Variants in DMD observed in about 807,000 individuals in gnomAD.
DMD encodes mutant dystrophin.
A neutral mutation model predicts 330.1 loss-of-function variants in DMD; 63 were observed. The ratio of observed to expected loss-of-function variants is 0.19; its 90% CI spans 0.16 to 0.24. DMD has a LOEUF of 0.24. DMD is among the 10% of genes least tolerant of loss of function. DMD has a pLI of 1.00. For synonymous variants in DMD, 1,223 were observed against 959.8 expected, an observed-to-expected ratio of 1.27 and a Z score of -5.07; for missense variants, 3,344 against 2,684.1, an observed-to-expected ratio of 1.25 and a Z score of -5.43.
chrX:31,126,015 T>C (rs765851546), intron 78 of DMD, among the ~76,000 whole-genome samples: 1 of 111,590 alleles, frequency 9.0e-6, no homozygotes, highest in East Asian at 2.8e-4. Context: ...TACTCTCTCA[T>C]TGACTCAGTC....
At chrX:33,023,883 C>T (rs190274306) in intron 1 of DMD, among the ~76,000 whole-genome samples, 30 of 111,507 alleles carry the variant, frequency 2.7e-4, no homozygotes, top group Middle Eastern at 4.7e-3. Flanking sequence ...TCCAAGTTAA[C>T]GATCAAAATT....
chrX:32,765,660 C>T (rs1178811784), intron 7 of DMD, among the ~76,000 whole-genome samples: 1 of 110,881 alleles, frequency 9.0e-6, no homozygotes, highest in Non-Finnish European at 1.9e-5. Context: ...CCGTAAGTTG[C>T]CTTTTCACTC....
At chrX:32,590,483 G>T (rs904387467) in intron 13 of DMD, among the ~76,000 whole-genome samples, 1 of 111,603 alleles carries the variant, frequency 9.0e-6, no homozygotes, top group Admixed American at 9.4e-5. Flanking sequence ...TGGACCAGTG[G>T]ACTGGGAGAG....
chrX:31,447,683 C>T (rs1009440441), intron 59 of DMD, among the ~76,000 whole-genome samples: 3 of 110,921 alleles, frequency 2.7e-5, no homozygotes, highest in Non-Finnish European at 5.7e-5. Flanking sequence ...TAGTTGTGAA[C>T]AAGACAACTG....
chrX:31,970,409 A>C (rs185599863), intron 44 of DMD, among the ~76,000 whole-genome samples: 2 of 110,990 alleles, frequency 1.8e-5, no homozygotes, highest in East Asian at 5.7e-4. Flanking sequence ...GCAGTACATA[A>C]TCTAGTTGAA....
At chrX:32,983,528 T>TACACACACACACAC (rs561986393) in intron 2 of DMD, among the ~76,000 whole-genome samples, 2 of 73,576 alleles carry the variant, frequency 2.7e-5, no homozygotes, top group Non-Finnish European at 5.1e-5. Context: ...CAGAACTAAA[T>TACACACACACACAC]ACACACACAC....
At chrX:31,320,488 T>C (rs984060395) in intron 62 of DMD, among the ~76,000 whole-genome samples, 5 of 111,941 alleles carry the variant, frequency 4.5e-5, no homozygotes, top group African/African-American at 6.5e-5. Flanking sequence ...ACAAACAAGA[T>C]AAAAAAGAGG....
At chrX:31,182,640 C>A in intron 68 of DMD, 98 bp downstream of exon 68, 3 of 855,513 alleles carry the variant, frequency 3.5e-6, no homozygotes, top group Non-Finnish European at 5.2e-6. Flanking sequence ...GGAGACGGTA[C>A]GAACTAACAG....
intron 2 of DMD, among the ~76,000 whole-genome samples, chrX:32,910,817 G>GTA (rs894935477): frequency 8.9e-6 from 1 of 111,942 alleles, no homozygotes; most frequent in African/African-American, 3.3e-5. Context: ...ACACTTATTA[G>GTA]TAAAAGGAAA....
At chrX:32,244,364 T>G (rs2097222373) in intron 43 of DMD, among the ~76,000 whole-genome samples, 1 of 90,714 alleles carries the variant, frequency 1.1e-5, no homozygotes, top group African/African-American at 4.1e-5. Flanking sequence ...CTATCATTGT[T>G]GGACATTTGG....
chrX:31,297,460 T>A (rs925127085), intron 62 of DMD, among the ~76,000 whole-genome samples: 2 of 111,785 alleles, frequency 1.8e-5, no homozygotes, highest in Non-Finnish European at 3.8e-5. Context: ...AAGAAAGATA[T>A]AATGTTTAAG....
At chrX:32,544,312 T>G (rs1223366828) in intron 17 of DMD, among the ~76,000 whole-genome samples, 1 of 112,180 alleles carries the variant, frequency 8.9e-6, no homozygotes, top group Non-Finnish European at 1.9e-5. Flanking sequence ...ACATGGTATT[T>G]TTAGATGTGT....
At position 32,920,458 on chromosome X, in the gene DMD, G is replaced by A. The variant is rs150528206; in HGVS notation, c.94-70638C>T. On this transcript the variant is annotated intron_variant, in intron 2 of 78. Transcript: ENST00000357033. ...TGCAGTAAAAAGCCTAGGCTCCTTG[G>A]AGAGTCTACATTCTCCTCCCTCCCA... Among the ~76,000 whole-genome samples the A allele has an allele frequency of 5.1e-3, 557 of 110,247 alleles. 4 individuals carry two copies. Among genetic ancestry groups the A allele is most frequent in the African/African-American group, 0.018 (531 of 30,163 alleles).
At chrX:31,672,448 T>C (rs2081860852) in intron 53 of DMD, among the ~76,000 whole-genome samples, 1 of 112,323 alleles carries the variant, frequency 8.9e-6, no homozygotes, top group Non-Finnish European at 1.9e-5. Flanking sequence ...TTTTCAAGTG[T>C]CTATTTCCTT....
chrX:31,444,134 A>G (rs2065122989), intron 60 of DMD, among the ~76,000 whole-genome samples: 1 of 110,628 alleles, frequency 9.0e-6, no homozygotes, highest in African/African-American at 3.3e-5. Flanking sequence ...GCCTTCTGCC[A>G]TGAGTGGAAG....
chrX:32,069,067 C>T (rs185654585), intron 44 of DMD, among the ~76,000 whole-genome samples: 4 of 111,351 alleles, frequency 3.6e-5, no homozygotes, highest in African/African-American at 3.3e-5. Flanking sequence ...GTTTGGGGGA[C>T]GTAATTATGG....
At position 32,885,835 on chromosome X, in the gene DMD, A is replaced by AGGG. The variant is rs1569539057; in HGVS notation, c.94-36016_94-36015insCCC. On this transcript the variant is annotated intron_variant, in intron 2 of 78. Transcript: ENST00000357033. Reference sequence around the variant, plus strand: ...TTGTTTCCCTTGAGGGGGAAAAAAAAAAAAAAAAAAAAAACCTTTCCTTTC... The same window carrying AGGG: ...TTGTTTCCCTTGAGGGGGAAAAAAAAGGGAAAAAAAAAAAAAACCTTTCCTTTC... Among the ~76,000 whole-genome samples the AGGG allele has an allele frequency of 6.5e-3, 705 of 107,925 alleles. 6 individuals are homozygous for AGGG. Among genetic ancestry groups the AGGG allele is most frequent in the African/African-American group, 0.023 (681 of 29,681 alleles). 93.7% of individuals were successfully genotyped at this position (107,925 alleles called of 115,157 possible).
chrX:32,698,807 C>A (rs905774377), intron 8 of DMD, among the ~76,000 whole-genome samples: 1 of 110,797 alleles, frequency 9.0e-6, no homozygotes, highest in East Asian at 2.8e-4. Context: ...TTAATATGTA[C>A]GTAAGTTTGC....
chrX:31,385,423 T>C (rs750783091), intron 60 of DMD, among the ~76,000 whole-genome samples: 1 of 112,065 alleles, frequency 8.9e-6, no homozygotes, highest in African/African-American at 3.2e-5. Context: ...GTTTAAGTGG[T>C]AAGCATCCAC....
Sources: allele counts gnomAD v4.1 joint callset (sites outside exome capture counted in the v4.1 genomes callset), GRCh38; gene constraint gnomAD v4.1.1; transcripts MANE v1.5; gene names NCBI Gene and HGNC (gene_info 2026-07-23, HGNC 2026-07-21).